The following SYT1 variants were observed in gnomAD, a reference collection of about 807,000 sequenced individuals.
The protein encoded by SYT1 is synaptotagmin-1.
Under a neutral mutation model 44.8 loss-of-function variants are expected in SYT1, and 8 were observed. The ratio of observed to expected loss-of-function variants is 0.18; its 90% CI spans 0.10 to 0.32. The LOEUF (loss-of-function observed/expected upper bound fraction) is 0.32. Ranked by LOEUF, SYT1 falls within the 10% of genes least tolerant of loss-of-function variation. SYT1 has a pLI of 1.00. For synonymous variants in SYT1, 154 were observed against 188.8 expected (o/e 0.82, Z 1.51); for missense variants, 286 against 509.3 (o/e 0.56, Z 4.22).
chr12:79,223,543 C>T (rs1007501451), intron 4 of SYT1, among the ~76,000 whole-genome samples: 3 of 152,140 alleles, frequency 2.0e-5, no homozygotes, highest in African/African-American at 4.8e-5. Flanking sequence ...ATGGCACTTC[C>T]AGAATCTCAG....
chr12:79,363,144 G>A lies in SYT1; in HGVS notation c.928+9525G>A, dbSNP rs73354725. Among the ~76,000 whole-genome samples, 1,415 of 152,162 alleles carry A rather than the reference G, an allele frequency of 9.3e-3. 21 individuals are homozygous for A. Among genetic ancestry groups the A allele is most frequent in the African/African-American group, 0.032 (1,332 of 41,492 alleles). ...TTCAGTATACAGAAAAAAAAATAAGGAGGGTCAGAATTTCTAATAGGTAAT... is the reference window on the plus strand; with the variant it reads ...TTCAGTATACAGAAAAAAAAATAAGAAGGGTCAGAATTTCTAATAGGTAAT... On this transcript the variant is annotated intron_variant, in intron 9 of 10. Transcript: ENST00000261205.
At chr12:79,112,173 A>C (rs1879050687) in intron 3 of SYT1, among the ~76,000 whole-genome samples, 1 of 151,702 alleles carries the variant, frequency 6.6e-6, no homozygotes, top group South Asian at 2.1e-4. Context: ...AATTTAAAAG[A>C]GGGGATTGTG....
intron 3 of SYT1, among the ~76,000 whole-genome samples, chr12:79,191,604 G>T (rs1464073291): frequency 2.0e-5 from 3 of 152,060 alleles, no homozygotes. Flanking sequence ...GGATATGTGG[G>T]TTTCATTATG....
intron 8 of SYT1, among the ~76,000 whole-genome samples, chr12:79,345,969 T>C (rs115377544): frequency 0.011 from 1,655 of 152,302 alleles, 27 homozygotes; most frequent in African/African-American, 0.036. Flanking sequence ...GTTGCCAATT[T>C]AACACATAGA....
intron 9 of SYT1, among the ~76,000 whole-genome samples, chr12:79,435,945 A>G (rs921059491): frequency 6.6e-6 from 1 of 152,164 alleles, no homozygotes; most frequent in Non-Finnish European, 1.5e-5. Flanking sequence ...TGCTTTAAGG[A>G]TATCTATGGA....
chr12:79,337,510 A>T (rs1404980634), intron 8 of SYT1, among the ~76,000 whole-genome samples: 1 of 152,218 alleles, frequency 6.6e-6, no homozygotes, highest in Non-Finnish European at 1.5e-5. Flanking sequence ...ATGCACTAGC[A>T]GAAGTAGCTA....
chr12:79,359,844 T>G (rs1883250351), intron 9 of SYT1, among the ~76,000 whole-genome samples: 1 of 152,170 alleles, frequency 6.6e-6, no homozygotes, highest in South Asian at 2.1e-4. Context: ...AAAGAGCAAC[T>G]CACCCAACCT....
chr12:79,217,139 A>G (rs779262211), intron 3 of SYT1, among the ~76,000 whole-genome samples: 35 of 152,230 alleles, frequency 2.3e-4, no homozygotes, highest in Non-Finnish European at 4.3e-4. Context: ...TTTAAAGTAT[A>G]AAGCATGTAT....
chr12:79,445,173 A>G (rs1870638941), intron 10 of SYT1, among the ~76,000 whole-genome samples: 1 of 152,064 alleles, frequency 6.6e-6, no homozygotes, highest in African/African-American at 2.4e-5. Flanking sequence ...ATTTTATTTT[A>G]TTTATTTTAA....
chr12:79,094,713 G>A (rs541953653), intron 3 of SYT1, among the ~76,000 whole-genome samples: 136 of 151,700 alleles, frequency 9.0e-4, no homozygotes, highest in African/African-American at 3.1e-3. Flanking sequence ...TTTTCCCTGA[G>A]TATATAGTTC....
At chr12:79,164,994 G>A (rs914714356) in intron 3 of SYT1, among the ~76,000 whole-genome samples, 6 of 152,076 alleles carry the variant, frequency 3.9e-5, no homozygotes, top group East Asian at 3.9e-4. Context: ...TGATAAGACC[G>A]TAGAAAGAGA....
At chr12:79,363,026 C>T (rs1372663172) in intron 9 of SYT1, among the ~76,000 whole-genome samples, 1 of 152,010 alleles carries the variant, frequency 6.6e-6, no homozygotes, top group Non-Finnish European at 1.5e-5. Context: ...CATGGGTAAC[C>T]ATAAATAGCC....
intron 2 of SYT1, among the ~76,000 whole-genome samples, chr12:78,996,190 G>A (rs1011343166): frequency 1.3e-5 from 2 of 152,074 alleles, no homozygotes; most frequent in Non-Finnish European, 2.9e-5. Context: ...TTTATGCTTC[G>A]CTACCTCAGT....
intron 8 of SYT1, among the ~76,000 whole-genome samples, chr12:79,317,417 T>C (rs1335303908): frequency 6.6e-6 from 1 of 152,232 alleles, no homozygotes; most frequent in Non-Finnish European, 1.5e-5. Context: ...ATTAATCATA[T>C]GCAATTATTT....
intron 4 of SYT1, among the ~76,000 whole-genome samples, chr12:79,221,971 A>G (rs991421325): frequency 1.3e-5 from 2 of 152,072 alleles, no homozygotes; most frequent in African/African-American, 4.8e-5. Flanking sequence ...TAGTATTTTT[A>G]TAAGACAGGC....
chr12:79,045,512 C>G (rs1056261197), intron 2 of SYT1: 34 of 157,008 alleles, frequency 2.2e-4, no homozygotes, highest in Admixed American at 2.1e-3. Context: ...CTGACCTGCT[C>G]CCACTGTCTG....
At chr12:78,870,821 T>C (rs1419554956) in intron 1 of SYT1, among the ~76,000 whole-genome samples, 1 of 152,098 alleles carries the variant, frequency 6.6e-6, no homozygotes, top group Non-Finnish European at 1.5e-5. Context: ...TTGGATTGAC[T>C]GATTGCTGCT....
chr12:78,923,865 C>T (rs1479609293), intron 1 of SYT1, among the ~76,000 whole-genome samples: 1 of 151,858 alleles, frequency 6.6e-6, no homozygotes, highest in Non-Finnish European at 1.5e-5. Flanking sequence ...AGTCTTAATA[C>T]TATTATCTAA....
intron 3 of SYT1, among the ~76,000 whole-genome samples, chr12:79,160,064 T>C (rs1452784843): frequency 6.6e-6 from 1 of 152,158 alleles, no homozygotes; most frequent in Non-Finnish European, 1.5e-5. Context: ...CGGTTGTGAT[T>C]GAAGGGAAGA....
Sources: allele counts gnomAD v4.1 joint callset (sites outside exome capture counted in the v4.1 genomes callset), GRCh38; gene constraint gnomAD v4.1.1; transcripts MANE v1.5; gene names NCBI Gene and HGNC (gene_info 2026-07-23, HGNC 2026-07-21).